ANKFN1: variants seen among roughly 807,000 people sequenced by gnomAD.
The protein encoded by ANKFN1 is ankyrin repeat and fibronectin type-III domain-containing protein 1.
In ANKFN1, 74 loss-of-function variants were observed where a neutral mutation model predicts 108.7. The ratio of observed to expected loss-of-function variants is 0.68; its 90% CI spans 0.56 to 0.83. The LOEUF is 0.83. Among genes scored for constraint, ANKFN1 ranks in the 40% least tolerant of loss-of-function variants. The pLI, the probability that ANKFN1 is intolerant of heterozygous loss-of-function variation, is 0.00. For synonymous variants in ANKFN1, 547 were observed against 516.2 expected (o/e 1.06, Z -0.81); for missense variants, 1,505 against 1,382.3 (o/e 1.09, Z -1.41).
chr17:56,291,191 C>T (rs1404247975), intron 3 of ANKFN1, among the ~76,000 whole-genome samples: 1 of 152,198 alleles, frequency 6.6e-6, no homozygotes, highest in African/African-American at 2.4e-5. Context: ...GTCACTGGAT[C>T]ATTTCAAAAA....
chr17:56,170,602 A>C (rs1910562469), intron 1 of ANKFN1, among the ~76,000 whole-genome samples: 2 of 151,010 alleles, frequency 1.3e-5, no homozygotes, highest in Non-Finnish European at 2.9e-5. Flanking sequence ...ATGTCTACTA[A>C]AAATACAAAA....
At chr17:56,101,853 AT>A (rs1905653804) in intron 4 of ANKFN1, among the ~76,000 whole-genome samples, 1 of 152,240 alleles carries the variant, frequency 6.6e-6, no homozygotes, top group African/African-American at 2.4e-5. Flanking sequence ...TCTGGGCCTC[AT>A]CCTACTACCT....
chr17:56,251,434 T>C (rs2043233624), intron 3 of ANKFN1, among the ~76,000 whole-genome samples: 2 of 152,182 alleles, frequency 1.3e-5, no homozygotes, highest in Non-Finnish European at 2.9e-5. Context: ...AATGAAATCT[T>C]ATTAAAGTGC....
chr17:56,127,278 G>C (rs1396395786), intron 4 of ANKFN1, among the ~76,000 whole-genome samples: 1 of 152,126 alleles, frequency 6.6e-6, no homozygotes, highest in Non-Finnish European at 1.5e-5. Flanking sequence ...ACCTAGGTCT[G>C]TCTGATTGAT....
chr17:56,408,061 A>G (rs2047976396), intron 8 of ANKFN1, among the ~76,000 whole-genome samples: 1 of 149,070 alleles, frequency 6.7e-6, no homozygotes, highest in South Asian at 2.1e-4. Flanking sequence ...CAGCCTCCTG[A>G]GTAGCTGGGA....
chr17:56,131,066 C>T (rs74723537), intron 4 of ANKFN1, among the ~76,000 whole-genome samples: 5,048 of 152,108 alleles, frequency 0.033, 128 homozygotes, highest in Non-Finnish European at 0.048. Flanking sequence ...AGCTTTGTGC[C>T]GTAAAGACTA....
intron 6 of ANKFN1, among the ~76,000 whole-genome samples, chr17:56,366,164 A>AT (rs1374640153): frequency 1.3e-5 from 2 of 152,046 alleles, no homozygotes; most frequent in Admixed American, 6.6e-5. Context: ...ACAGTTTAAA[A>AT]TTTTTTTTAA....
chr17:56,400,194 TC>T (rs1482124368), intron 8 of ANKFN1, among the ~76,000 whole-genome samples: 3 of 152,088 alleles, frequency 2.0e-5, no homozygotes, highest in Non-Finnish European at 4.4e-5. Context: ...TAGTTTACAT[TC>T]CCATCAGCAG....
At position 56,187,138 on chromosome 17, in the gene ANKFN1, G is replaced by T. The variant is rs533298416; in HGVS notation, c.-70-25460G>T. On this transcript the variant is annotated intron_variant, in intron 1 of 20. Coordinates refer to ENST00000682825, the MANE Select transcript of ANKFN1 (RefSeq NM_001370326.1). ...CACAACAAAAGAAACTACCATCAGA[G>T]TGAACAGGCAACCTACACAATGGGA... Among the ~76,000 whole-genome samples, 60 of 152,266 alleles carry T rather than the reference G, an allele frequency of 3.9e-4. 1 individual carries two copies. In the Middle Eastern group the frequency reaches 0.01, roughly 26 times the overall value.
intron 8 of ANKFN1, among the ~76,000 whole-genome samples, chr17:56,383,921 AC>A (rs1416716811): frequency 1.3e-5 from 2 of 152,186 alleles, no homozygotes; most frequent in Non-Finnish European, 2.9e-5. Context: ...TGGTACCATT[AC>A]TTCTCAAACT....
At chr17:56,332,979 G>GTGTATATATATATATATATATATATA (rs570574404) in intron 4 of ANKFN1, among the ~76,000 whole-genome samples, 3 of 147,742 alleles carry the variant, frequency 2.0e-5, no homozygotes, top group Admixed American at 6.7e-5. Context: ...ATATATGTGT[G>GTGTATATATATATATATATATATATA]TATATATATA....
chr17:56,206,457 A>C (rs1914543124), intron 1 of ANKFN1: 1 of 152,126 alleles, frequency 6.6e-6, no homozygotes, highest in South Asian at 2.1e-4. Context: ...CCTGAATCTA[A>C]CTATTCAACC....
At chr17:56,381,726 A>C (rs2144817501) in intron 8 of ANKFN1, among the ~76,000 whole-genome samples, 1 of 152,324 alleles carries the variant, frequency 6.6e-6, no homozygotes, top group Admixed American at 6.5e-5. Context: ...CGAGAAGGGA[A>C]GTTTAGAGAA....
intron 16 of ANKFN1, among the ~76,000 whole-genome samples, chr17:56,480,022 G>A (rs919080749): frequency 6.6e-6 from 1 of 152,174 alleles, no homozygotes; most frequent in African/African-American, 2.4e-5. Context: ...TCCCTTCTGT[G>A]TGACATTTGG....
intron 8 of ANKFN1, among the ~76,000 whole-genome samples, chr17:56,388,320 CG>C (rs2047333492): frequency 6.6e-6 from 1 of 151,750 alleles, no homozygotes; most frequent in Non-Finnish European, 1.5e-5. Flanking sequence ...GCTAATGAGA[CG>C]GGGTTTCACC....
chr17:56,248,978 G>A (rs1019728631), intron 3 of ANKFN1, among the ~76,000 whole-genome samples: 9 of 152,276 alleles, frequency 5.9e-5, no homozygotes, highest in Middle Eastern at 3.4e-3. Flanking sequence ...ATTGCACAGG[G>A]GAGGTGGTGA....
At chr17:56,394,443 T>C (rs2047521956) in intron 8 of ANKFN1, among the ~76,000 whole-genome samples, 1 of 152,178 alleles carries the variant, frequency 6.6e-6, no homozygotes, top group Non-Finnish European at 1.5e-5. Context: ...GGCAGCTCTT[T>C]ATTGCCATGC....
intron 4 of ANKFN1, among the ~76,000 whole-genome samples, chr17:56,137,597 AC>A (rs1365480268): frequency 3.3e-5 from 5 of 152,156 alleles, no homozygotes; most frequent in Admixed American, 1.3e-4. Context: ...AAGAATTTAG[AC>A]CTGTAAATAA....
intron 3 of ANKFN1, among the ~76,000 whole-genome samples, chr17:56,295,753 G>A (rs917270557): frequency 6.6e-6 from 1 of 152,200 alleles, no homozygotes; most frequent in Non-Finnish European, 1.5e-5. Flanking sequence ...ATCAAGGCAC[G>A]AGCTTCTGGC....
Sources: gnomAD v4.1 joint callset for allele counts (sites outside exome capture counted in the v4.1 genomes callset) on GRCh38, gnomAD v4.1.1 for gene constraint, MANE v1.5 for transcripts, NCBI Gene and HGNC (gene_info 2026-07-23, HGNC 2026-07-21) for gene names.